MRPS15: variants seen among roughly 807,000 people sequenced by gnomAD.
The protein encoded by MRPS15 is small ribosomal subunit protein uS15m.
In MRPS15, 25 loss-of-function variants were observed where a neutral mutation model predicts 30.7. That is an observed-to-expected ratio of 0.81 (90% CI 0.59 to 1.14). The LOEUF (loss-of-function observed/expected upper bound fraction) is 1.14. MRPS15 is among the 50% of genes most tolerant of loss of function. The probability of loss-of-function intolerance (pLI) is 0.00; values close to 1 mark genes in which losing one functional copy is unlikely to be tolerated. For missense variants in MRPS15, 313 were observed against 321.7 expected, an observed-to-expected ratio of 0.97 and a Z score of 0.21; for synonymous variants, 124 against 120.1, an observed-to-expected ratio of 1.03 and a Z score of -0.21.
In MRPS15 at chr1:36,458,584, A is replaced by G. The variant is rs1650039066; in HGVS notation, c.386-603T>C. On this transcript the variant is annotated intron_variant, in intron 5 of 7. Coordinates refer to ENST00000373116, the MANE Select transcript of MRPS15 (RefSeq NM_031280.4). The surrounding 1 kb of genome is among the most constrained non-coding windows in gnomAD (Gnocchi z 4.5). Reference sequence around the variant, plus strand: ...CATTCAATTCAGGAATTAGACCAGGATACAGTGCTATCATGGTTAACAATT... The same window carrying G: ...CATTCAATTCAGGAATTAGACCAGGGTACAGTGCTATCATGGTTAACAATT... 6.5e-6 allele frequency: 1 copy of G among 153,224 alleles called. No individual in the cohort carries two copies. Among genetic ancestry groups the G allele is most frequent in the Non-Finnish European group, 1.5e-5 (1 of 68,666 alleles). The allele number at this position is 153,224 out of a possible 1,614,324, so 9.5% of individuals were successfully genotyped here.
Position 36,463,822 on chromosome 1 carries a change from AT to A in MRPS15, c.158del (p.Tyr53LeufsTer37). On this transcript the variant is annotated frameshift_variant, in exon 2 of 8. Coordinates refer to ENST00000373116, the MANE Select transcript of MRPS15 (RefSeq NM_031280.4). LOFTEE classifies it high-confidence loss of function. ...RSLLLQAARG[Y>X]VVRKPAQSRL... ...AACTCCTACCTGGTTTCCGGACGAC[AT>A]ATCCGCGCGCGGCCTGGAGGAGGAG... 1 of 1,612,656 alleles carries A rather than the reference AT, an allele frequency of 6.2e-7. No homozygotes were observed. The highest frequency in any genetic ancestry group is 8.5e-7 in the Non-Finnish European group (1 of 1,179,170).
At chr1:36,457,380 T>C (rs916223679) in intron 6 of MRPS15, among the ~76,000 whole-genome samples, 3 of 152,042 alleles carry the variant, frequency 2.0e-5, no homozygotes, top group Non-Finnish European at 2.9e-5. Flanking sequence ...AGGAATAACT[T>C]AATCATTCCA....
At chr1:36,457,814 C>T in intron 6 of MRPS15, 109 bp downstream of exon 6, 2 of 1,033,464 alleles carry the variant, frequency 1.9e-6, no homozygotes, top group Non-Finnish European at 3.0e-6. Context: ...AGGAGGGAAG[C>T]ATTTTCAGTG....
At chr1:36,459,556 T>C (rs6672645) in intron 5 of MRPS15, 147,820 of 152,352 alleles carry the variant, frequency 0.97, 71,739 homozygotes, top group East Asian at 1. Flanking sequence ...CTTTTGTGGC[T>C]GAGCTGGTCC....
intron 2 of MRPS15, 82 bp downstream of exon 2, chr1:36,463,723 AT>A: frequency 6.6e-7 from 1 of 1,504,082 alleles, no homozygotes; most frequent in African/African-American, 1.4e-5. Context: ...AGTGGCTCTA[AT>A]TCGCCACATC....
In MRPS15 at chr1:36,455,740, C is replaced by G. The variant is rs544922721; in HGVS notation, c.*48G>C. On this transcript the variant is annotated 3_prime_UTR_variant, in exon 8 of 8. Transcript: ENST00000373116. ...CTCTTCAGGCCAAAAAGAGCCCCAT[C>G]ATCTCTCCTATCATTCTTCAAGACA... 9 of 1,594,892 alleles carry G rather than the reference C, an allele frequency of 5.6e-6. No individual in the cohort carries two copies. The highest frequency in any genetic ancestry group is 4.1e-5 in the African/African-American group (3 of 73,766).
chr1:36,456,401 T>C lies in MRPS15; in HGVS notation c.445-23A>G, dbSNP rs758203721. ...GTCCTGCAAGAGATTCTCATTACTT[T>C]TAGTATTATATAAGTGTTACTGTTG... On this transcript the variant is annotated intron_variant, in intron 6 of 7. Transcript: ENST00000373116. The C allele has an allele frequency of 7.6e-6, 12 of 1,573,024 alleles. No homozygotes were observed. In the South Asian group the frequency reaches 1.4e-4, roughly 18 times the overall value.
At chr1:36,460,995 A>T (rs1231200693) in intron 4 of MRPS15, among the ~76,000 whole-genome samples, 1 of 152,254 alleles carries the variant, frequency 6.6e-6, no homozygotes, top group East Asian at 1.9e-4. Context: ...GACTTGTTGC[A>T]TGAATGTCCC....
intron 2 of MRPS15, 61 bp downstream of exon 2, chr1:36,463,745 C>T: frequency 6.4e-7 from 1 of 1,568,522 alleles, no homozygotes; most frequent in Non-Finnish European, 8.6e-7. Context: ...GGTCCCCTTA[C>T]CCACCCCAGC....
intron 2 of MRPS15, among the ~76,000 whole-genome samples, chr1:36,462,824 A>G (rs1203002889): frequency 6.6e-6 from 1 of 152,246 alleles, no homozygotes; most frequent in African/African-American, 2.4e-5. Flanking sequence ...ATATATTAAT[A>G]GCAATAAATT....
chr1:36,456,055 G>A (rs1649987652), intron 7 of MRPS15, 130 bp from the exon 8 acceptor site: 7 of 1,477,472 alleles, frequency 4.7e-6, no homozygotes, highest in Non-Finnish European at 5.4e-6. Flanking sequence ...GGTGGCCTGT[G>A]ACCTCCCTGG....
At chr1:36,462,185 A>G (rs1446584406) in intron 2 of MRPS15, 22 bp from the exon 3 acceptor site, 1 of 1,588,772 alleles carries the variant, frequency 6.3e-7, no homozygotes, top group Admixed American at 1.7e-5. Context: ...ATATGGGGAT[A>G]GAAAACACCC....
intron 1 of MRPS15, 129 bp from the exon 2 acceptor site, chr1:36,463,979 T>C (rs2124086218): frequency 1.3e-6 from 2 of 1,501,796 alleles, no homozygotes; most frequent in Admixed American, 2.1e-5. Flanking sequence ...GCCCCATTTC[T>C]TCCCTACCCC....
At chr1:36,456,009 C>T (rs1038750582) in intron 7 of MRPS15, 84 bp from the exon 8 acceptor site, 1 of 1,547,926 alleles carries the variant, frequency 6.5e-7, no homozygotes. Flanking sequence ...GAACTATTTC[C>T]CCCAGATGGT....
Position 36,458,170 on chromosome 1 carries a change from A to C in MRPS15, c.386-189T>G. The C allele has an allele frequency of 3.7e-6, 2 of 546,022 alleles. No individual in the cohort carries two copies. The highest frequency in any genetic ancestry group is 6.7e-6 in the Non-Finnish European group (2 of 300,514). The allele number at this position is 546,022 out of a possible 1,614,324, so 33.8% of individuals were successfully genotyped here. ...TAGACATTACCTTCCCTTAAAAAGC[A>C]AAATCCAAGGAAGGGACATCCCTTA... On this transcript the variant is annotated intron_variant, in intron 5 of 7. Coordinates refer to ENST00000373116, the MANE Select transcript of MRPS15 (RefSeq NM_031280.4). This position sits in a 1 kb window ranked among gnomAD's most constrained non-coding sequence, Gnocchi z 4.5.
Position 36,464,371 on chromosome 1 carries a change from C to G in MRPS15, c.-96G>C. On this transcript the variant is annotated 5_prime_UTR_variant, in exon 1 of 8. Coordinates refer to ENST00000373116, the MANE Select transcript of MRPS15 (RefSeq NM_031280.4). ...GGGCGCCGCCATGCTGGCCCAGGAT[C>G]GACCAATCGAGGCAGTTGCAATACC... 1.3e-6 allele frequency: 2 copies of G among 1,487,518 alleles called. No homozygotes were observed. Among genetic ancestry groups the G allele is most frequent in the Non-Finnish European group, 9.0e-7 (1 of 1,112,566 alleles). The allele number at this position is 1,487,518 out of a possible 1,614,324, so 92.1% of individuals were successfully genotyped here. A position where few individuals can be genotyped will look rare whatever the true frequency, so the allele number is the denominator to read the frequency against.
intron 6 of MRPS15, 63 bp downstream of exon 6, chr1:36,457,860 C>G: frequency 6.6e-7 from 1 of 1,509,656 alleles, no homozygotes; most frequent in African/African-American, 1.4e-5. Context: ...CAGAGCCCTT[C>G]CCCTCCGGAC....
At chr1:36,461,112 C>A (rs1040873702) in intron 4 of MRPS15, 152 bp downstream of exon 4, 1 of 765,522 alleles carries the variant, frequency 1.3e-6, no homozygotes. Context: ...CCTGAAGATG[C>A]TCTGTCTAGG....
rs768394133 is a variant in MRPS15 at position 36,462,071 on chromosome 1, G to A, written c.251+17C>T. 1 of 1,608,914 alleles carries A rather than the reference G, an allele frequency of 6.2e-7. No homozygotes were observed. The highest frequency in any genetic ancestry group is 1.1e-5 in the South Asian group (1 of 90,798). Reference sequence around the variant, plus strand: ...CCAGGGCCCCCTGCCTCCTCTACTAGGTTTCTTCCTGCTTACTTCTCAATT... The same window carrying A: ...CCAGGGCCCCCTGCCTCCTCTACTAAGTTTCTTCCTGCTTACTTCTCAATT... On this transcript the variant is annotated intron_variant, in intron 3 of 7. Coordinates refer to ENST00000373116, the MANE Select transcript of MRPS15 (RefSeq NM_031280.4).
Sources: allele counts gnomAD v4.1 joint callset (sites outside exome capture counted in the v4.1 genomes callset), GRCh38; gene constraint gnomAD v4.1.1; non-coding constraint Gnocchi (gnomAD v3.1); transcripts MANE v1.5; gene names NCBI Gene and HGNC (gene_info 2026-07-23, HGNC 2026-07-21).